CRPPA: variants seen among roughly 807,000 people sequenced by gnomAD.
CRPPA encodes the protein D-ribitol-5-phosphate cytidylyltransferase.
A neutral mutation model predicts 52.0 loss-of-function variants in CRPPA; 43 were observed. The observed-to-expected ratio is 0.83, with a 90% CI of 0.65 to 1.07. The LOEUF (loss-of-function observed/expected upper bound fraction) is 1.07, where lower values mean the gene tolerates loss of function less well. CRPPA is among the 50% of genes least tolerant of loss of function. The pLI is 0.00. For synonymous variants in CRPPA, 250 were observed against 203.5 expected, an observed-to-expected ratio of 1.23 and a Z score of -1.94; for missense variants, 629 against 551.7, an observed-to-expected ratio of 1.14 and a Z score of -1.40.
At chr7:16,171,204 C>A (rs1781178212) in intron 9 of CRPPA, among the ~76,000 whole-genome samples, 1 of 152,224 alleles carries the variant, frequency 6.6e-6, no homozygotes, top group Non-Finnish European at 1.5e-5. Context: ...AGTAGAAGCA[C>A]CTGTATAGCA....
chr7:16,272,979 T>G (rs1784122985), intron 6 of CRPPA, among the ~76,000 whole-genome samples: 1 of 151,910 alleles, frequency 6.6e-6, no homozygotes, highest in Non-Finnish European at 1.5e-5. Context: ...TTTATTATTA[T>G]TATACTTTAA....
chr7:16,131,873 G>A (rs1040965225), intron 9 of CRPPA, among the ~76,000 whole-genome samples: 1 of 152,168 alleles, frequency 6.6e-6, no homozygotes, highest in African/African-American at 2.4e-5. Flanking sequence ...ACTGCACCCA[G>A]CCACCACTTA....
chr7:16,124,111 T>TC (rs1294692471), intron 9 of CRPPA, among the ~76,000 whole-genome samples: 2 of 146,134 alleles, frequency 1.4e-5, no homozygotes, highest in Admixed American at 6.7e-5. Context: ...TTCTTTCTTT[T>TC]TTTATTTTTT....
intron 9 of CRPPA, among the ~76,000 whole-genome samples, chr7:16,142,197 C>G (rs1229415087): frequency 6.6e-6 from 1 of 152,074 alleles, no homozygotes; most frequent in East Asian, 1.9e-4. Flanking sequence ...AAATAATTTT[C>G]TTCTTTTCTT....
At chr7:16,223,961 T>A (rs1007773744) in intron 8 of CRPPA, among the ~76,000 whole-genome samples, 4 of 152,168 alleles carry the variant, frequency 2.6e-5, no homozygotes, top group Non-Finnish European at 5.9e-5. Flanking sequence ...CAGTGTGACA[T>A]TTCTAACAGT....
chr7:16,314,299 A>G (rs1352022561), intron 3 of CRPPA, among the ~76,000 whole-genome samples: 1 of 152,020 alleles, frequency 6.6e-6, no homozygotes, highest in Non-Finnish European at 1.5e-5. Context: ...TTTTACAACT[A>G]ATCTGTGACC....
intron 9 of CRPPA, among the ~76,000 whole-genome samples, chr7:16,158,344 A>G (rs28560774): frequency 0.021 from 3,269 of 152,190 alleles, 116 homozygotes; most frequent in African/African-American, 0.075. Flanking sequence ...TGTTTCTAGG[A>G]AGTAGGAACC....
chr7:16,181,561 C>T (rs1018057698), intron 9 of CRPPA, among the ~76,000 whole-genome samples: 10 of 151,814 alleles, frequency 6.6e-5, no homozygotes, highest in South Asian at 2.1e-4. Flanking sequence ...CAAACAAAGA[C>T]GCAAACCTAA....
chr7:16,222,105 A>G (rs1245913891), intron 8 of CRPPA, among the ~76,000 whole-genome samples: 1 of 151,818 alleles, frequency 6.6e-6, no homozygotes, highest in Non-Finnish European at 1.5e-5. Flanking sequence ...ACCATGGAAT[A>G]CTATGCAGCC....
At chr7:16,245,047 TAAA>T (rs35768406) in intron 8 of CRPPA, among the ~76,000 whole-genome samples, 3 of 142,394 alleles carry the variant, frequency 2.1e-5, no homozygotes. Flanking sequence ...GTCTTACATT[TAAA>T]AAAAAAAAAA....
At chr7:16,230,088 T>C (rs1490863220) in intron 8 of CRPPA, among the ~76,000 whole-genome samples, 1 of 152,192 alleles carries the variant, frequency 6.6e-6, no homozygotes, top group African/African-American at 2.4e-5. Context: ...TGATTTTTGA[T>C]AGCATTATTA....
At chr7:16,263,521 G>GT (rs1783869260) in intron 6 of CRPPA, among the ~76,000 whole-genome samples, 2 of 152,200 alleles carry the variant, frequency 1.3e-5, no homozygotes. Flanking sequence ...GGAGGCCGAG[G>GT]TGGGTGGATC....
At chr7:16,231,917 A>C (rs942370640) in intron 8 of CRPPA, among the ~76,000 whole-genome samples, 1 of 152,202 alleles carries the variant, frequency 6.6e-6, no homozygotes, top group Non-Finnish European at 1.5e-5. Context: ...CCCGCAAGAG[A>C]GTTTCAGGAC....
At chr7:16,252,520 A>G (rs1783487397) in intron 8 of CRPPA, among the ~76,000 whole-genome samples, 1 of 152,148 alleles carries the variant, frequency 6.6e-6, no homozygotes, top group Non-Finnish European at 1.5e-5. Flanking sequence ...TATTTTATTG[A>G]GGATTTTTGC....
chr7:16,233,136 T>C (rs1054824449), intron 8 of CRPPA, among the ~76,000 whole-genome samples: 8 of 151,652 alleles, frequency 5.3e-5, no homozygotes, highest in African/African-American at 1.9e-4. Flanking sequence ...CGATTTTAAA[T>C]TAAACAGCAA....
chr7:16,380,159 G>A (rs962924511), intron 2 of CRPPA, among the ~76,000 whole-genome samples: 43 of 151,146 alleles, frequency 2.8e-4, no homozygotes, highest in Admixed American at 1.5e-3. Flanking sequence ...TTTGAGATAC[G>A]TCCCATCAAT....
chr7:16,155,514 C>T (rs1472766847), intron 9 of CRPPA, among the ~76,000 whole-genome samples: 1 of 152,238 alleles, frequency 6.6e-6, no homozygotes, highest in Non-Finnish European at 1.5e-5. Flanking sequence ...ACCAACTCTC[C>T]TCTTCTGCCC....
intron 5 of CRPPA, among the ~76,000 whole-genome samples, chr7:16,300,596 C>A (rs974605580): frequency 1.3e-5 from 2 of 152,066 alleles, no homozygotes; most frequent in Non-Finnish European, 2.9e-5. Flanking sequence ...CTGTCAAAAC[C>A]AGGGGAAGGG....
chr7:16,406,184 C>G lies in CRPPA; in HGVS notation c.411G>C (p.Leu137=). 2.5e-6 allele frequency: 4 copies of G among 1,613,966 alleles called. No homozygotes were observed. Among genetic ancestry groups the G allele is most frequent in the Middle Eastern group, 1.6e-4 (1 of 6,062 alleles). ...GTTTAGAGTTGATCTGATCTTCTGC[C>G]AGTGCTTTTAGTCCATTGAAAATTG... ...HRSIFNGLKA[L]AEDQINSKLS... Residue 137 remains leucine (L), a synonymous_variant, in exon 2 of 10, where the codon CTG becomes CTC. Coordinates refer to ENST00000407010, the MANE Select transcript of CRPPA (RefSeq NM_001101426.4).
Sources: gnomAD v4.1 joint callset for allele counts (sites outside exome capture counted in the v4.1 genomes callset) on GRCh38, gnomAD v4.1.1 for gene constraint, MANE v1.5 for transcripts, NCBI Gene and HGNC (gene_info 2026-07-23, HGNC 2026-07-21) for gene names.